The following SLC2A13 variants were observed in gnomAD, a reference collection of about 807,000 sequenced individuals.
SLC2A13 encodes proton myo-inositol cotransporter.
SLC2A13 carries 32 observed loss-of-function variants against 64.4 expected under a neutral mutation model. The observed-to-expected ratio is 0.50, with a 90% CI of 0.37 to 0.67. SLC2A13 has a LOEUF of 0.67. Among genes scored for constraint, SLC2A13 ranks in the 30% least tolerant of loss-of-function variants. The pLI, the probability that SLC2A13 is intolerant of heterozygous loss-of-function variation, is 0.00. For missense variants in SLC2A13, 743 were observed against 829.2 expected (o/e 0.90, Z 1.28); for synonymous variants, 338 against 327.1 (o/e 1.03, Z -0.36).
chr12:40,089,863 T>A (rs1195584901), intron 1 of SLC2A13, among the ~76,000 whole-genome samples: 1 of 152,150 alleles, frequency 6.6e-6, no homozygotes, highest in Non-Finnish European at 1.5e-5. Flanking sequence ...ATAACAGCCA[T>A]TTAGCTTGCT....
chr12:39,829,865 T>C, intron 7 of SLC2A13: 1 of 521,194 alleles, frequency 1.9e-6, no homozygotes. Flanking sequence ...TCCAAACTCC[T>C]ATACCTTATT....
At chr12:39,944,934 T>C (rs1221602618) in intron 4 of SLC2A13, among the ~76,000 whole-genome samples, 1 of 152,206 alleles carries the variant, frequency 6.6e-6, no homozygotes, top group Admixed American at 6.5e-5. Flanking sequence ...CTTTTTAATG[T>C]GCATTTTTGT....
intron 4 of SLC2A13, among the ~76,000 whole-genome samples, chr12:39,945,757 T>G (rs906413698): frequency 1.3e-5 from 2 of 152,206 alleles, no homozygotes; most frequent in Non-Finnish European, 2.9e-5. Flanking sequence ...CTTCACTTCT[T>G]GTATCATTTT....
chr12:40,074,517 A>T (rs1255210294), intron 1 of SLC2A13, among the ~76,000 whole-genome samples: 1 of 152,084 alleles, frequency 6.6e-6, no homozygotes. Flanking sequence ...CATTTCTTTT[A>T]CAGATTCTTA....
chr12:39,916,558 C>T (rs1945524135), intron 4 of SLC2A13, among the ~76,000 whole-genome samples: 1 of 152,044 alleles, frequency 6.6e-6, no homozygotes. Context: ...TAATTATTTT[C>T]TTTTTCGTGT....
At chr12:39,984,606 T>A (rs1946994431) in intron 3 of SLC2A13, among the ~76,000 whole-genome samples, 1 of 152,138 alleles carries the variant, frequency 6.6e-6, no homozygotes, top group Admixed American at 6.6e-5. Flanking sequence ...ATTACTAATA[T>A]CCAGTGAATA....
chr12:39,819,588 T>G (rs1942433713), intron 7 of SLC2A13, among the ~76,000 whole-genome samples: 1 of 152,212 alleles, frequency 6.6e-6, no homozygotes. Flanking sequence ...TCCTTGACAC[T>G]AAGCAGTATA....
chr12:40,097,952 GC>G (rs1164632179), intron 1 of SLC2A13, among the ~76,000 whole-genome samples: 10 of 152,136 alleles, frequency 6.6e-5, no homozygotes, highest in Admixed American at 5.2e-4. Context: ...ATCCACAACA[GC>G]CAAGAGGGAG....
intron 1 of SLC2A13, chr12:40,068,499 T>C: frequency 3.7e-6 from 1 of 271,726 alleles, no homozygotes; most frequent in South Asian, 4.3e-5. Context: ...AATCTGCTTG[T>C]ACCCCAGGAC....
At chr12:39,854,144 G>A (rs548351312) in intron 6 of SLC2A13, among the ~76,000 whole-genome samples, 35 of 151,940 alleles carry the variant, frequency 2.3e-4, no homozygotes, top group Non-Finnish European at 4.6e-4. Flanking sequence ...AGGGAGGCAG[G>A]TGGACAGAAC....
intron 4 of SLC2A13, among the ~76,000 whole-genome samples, chr12:39,912,945 G>A (rs762180502): frequency 2.6e-5 from 4 of 152,136 alleles, no homozygotes; most frequent in Non-Finnish European, 5.9e-5. Context: ...TTATGGCGTA[G>A]GAAGAAGTAC....
intron 4 of SLC2A13, among the ~76,000 whole-genome samples, chr12:39,915,270 T>C (rs901924949): frequency 3.9e-5 from 6 of 152,044 alleles, no homozygotes; most frequent in Admixed American, 3.3e-4. Flanking sequence ...TGTAATTACA[T>C]TGCTAATATC....
At chr12:39,962,688 T>C (rs1946435849) in intron 3 of SLC2A13, among the ~76,000 whole-genome samples, 2 of 152,186 alleles carry the variant, frequency 1.3e-5, no homozygotes, top group South Asian at 4.1e-4. Context: ...GGTTTTTCAA[T>C]AGATATTATA....
chr12:39,835,041 A>G (rs1369634284), intron 6 of SLC2A13, among the ~76,000 whole-genome samples: 2 of 152,100 alleles, frequency 1.3e-5, no homozygotes, highest in Non-Finnish European at 2.9e-5. Context: ...GAATTTCGGT[A>G]AGGTTTTCTA....
At chr12:40,072,780 A>C (rs1938013692) in intron 1 of SLC2A13, among the ~76,000 whole-genome samples, 1 of 152,122 alleles carries the variant, frequency 6.6e-6, no homozygotes, top group Non-Finnish European at 1.5e-5. Flanking sequence ...TCATATAGAC[A>C]GCAATAAAGT....
At chr12:40,051,058 T>A (rs1459029662) in intron 1 of SLC2A13, among the ~76,000 whole-genome samples, 2 of 152,154 alleles carry the variant, frequency 1.3e-5, no homozygotes, top group African/African-American at 4.8e-5. Context: ...GACAGGATTA[T>A]AAGGATGAGT....
chr12:39,933,861 T>C (rs913964927), intron 4 of SLC2A13, among the ~76,000 whole-genome samples: 8 of 152,198 alleles, frequency 5.3e-5, no homozygotes, highest in Non-Finnish European at 1.0e-4. Flanking sequence ...TCATGCCATC[T>C]ACAAATAAGA....
At chr12:39,848,457 T>A (rs776943233) in intron 6 of SLC2A13, among the ~76,000 whole-genome samples, 6 of 151,870 alleles carry the variant, frequency 4.0e-5, no homozygotes, top group Non-Finnish European at 1.5e-5. Context: ...GAAATGCAAA[T>A]CAAAACCACA....
At chr12:39,812,435 TTTTCTTTCTTCTC>T (rs1365516024) in intron 7 of SLC2A13, among the ~76,000 whole-genome samples, 1 of 150,636 alleles carries the variant, frequency 6.6e-6, no homozygotes, top group Non-Finnish European at 1.5e-5. Flanking sequence ...CCTTCCTTCC[TTTTCTTTCTTCTC>T]TTTCTTTCTT....
Sources: gnomAD v4.1 joint callset for allele counts (sites outside exome capture counted in the v4.1 genomes callset) on GRCh38, gnomAD v4.1.1 for gene constraint, MANE v1.5 for transcripts, NCBI Gene and HGNC (gene_info 2026-07-23, HGNC 2026-07-21) for gene names.